Variants in SPAG16 observed in about 807,000 individuals in gnomAD.
SPAG16 encodes sperm-associated antigen 16 protein.
SPAG16 carries 86 observed loss-of-function variants against 80.4 expected under a neutral mutation model. That is an observed-to-expected ratio of 1.07 (90% CI 0.90 to 1.28). The LOEUF is 1.28. Among genes scored for constraint, SPAG16 ranks in the 50% most tolerant of loss-of-function variants. The pLI is 0.00. For missense variants in SPAG16, 870 were observed against 765.3 expected (o/e 1.14, Z -1.61); for synonymous variants, 294 against 265.9 (o/e 1.11, Z -1.03).
At chr2:213,578,582 A>G (rs1415342502) in intron 10 of SPAG16, among the ~76,000 whole-genome samples, 8 of 152,130 alleles carry the variant, frequency 5.3e-5, no homozygotes, top group African/African-American at 1.7e-4. Context: ...CTAGGACTTA[A>G]GACATGGGTT....
chr2:214,130,988 A>G (rs376045357), intron 14 of SPAG16, among the ~76,000 whole-genome samples: 4 of 152,150 alleles, frequency 2.6e-5, no homozygotes, highest in African/African-American at 4.8e-5. Flanking sequence ...CTAATTTTGC[A>G]TCGTATTTGG....
intron 10 of SPAG16, among the ~76,000 whole-genome samples, chr2:213,565,330 C>T (rs2059724698): frequency 6.6e-6 from 1 of 152,178 alleles, no homozygotes; most frequent in South Asian, 2.1e-4. Context: ...CAGAGGGAGA[C>T]ATAGTCCAGA....
At chr2:213,542,500 T>C (rs2076480279) in intron 10 of SPAG16, among the ~76,000 whole-genome samples, 1 of 152,128 alleles carries the variant, frequency 6.6e-6, no homozygotes, top group African/African-American at 2.4e-5. Flanking sequence ...ATCCTCCCAG[T>C]AAGCCATTGC....
intron 9 of SPAG16, among the ~76,000 whole-genome samples, chr2:213,461,130 A>G (rs1469144495): frequency 6.6e-6 from 1 of 152,166 alleles, no homozygotes; most frequent in Non-Finnish European, 1.5e-5. Flanking sequence ...ATTATGCTAG[A>G]GAGAGAAAAA....
chr2:214,052,375 C>A (rs17207529), intron 13 of SPAG16, among the ~76,000 whole-genome samples: 3 of 152,154 alleles, frequency 2.0e-5, no homozygotes, highest in South Asian at 4.1e-4. Flanking sequence ...CAGCTTTCAA[C>A]GTTTTCTGGT....
chr2:214,215,400 C>T (rs1344232291), intron 15 of SPAG16, among the ~76,000 whole-genome samples: 1 of 152,076 alleles, frequency 6.6e-6, no homozygotes, highest in East Asian at 1.9e-4. Flanking sequence ...CCTATCAGGC[C>T]ACCTTTGATT....
At chr2:214,088,832 G>GA (rs1161851289) in intron 13 of SPAG16, among the ~76,000 whole-genome samples, 1 of 151,866 alleles carries the variant, frequency 6.6e-6, no homozygotes, top group African/African-American at 2.4e-5. Context: ...TCCAGGATCT[G>GA]AAAAATAGAA....
At chr2:214,072,878 A>G (rs1232973660) in intron 13 of SPAG16, among the ~76,000 whole-genome samples, 5 of 152,196 alleles carry the variant, frequency 3.3e-5, no homozygotes, top group Admixed American at 2.0e-4. Flanking sequence ...TTTAGTTTCT[A>G]TAGTACTTTA....
intron 15 of SPAG16, among the ~76,000 whole-genome samples, chr2:214,184,889 A>C (rs930382118): frequency 2.0e-5 from 3 of 152,098 alleles, no homozygotes; most frequent in South Asian, 2.1e-4. Flanking sequence ...TCTTCACTAA[A>C]ATTTAAGTAG....
chr2:213,716,906 T>A (rs529542778), intron 10 of SPAG16, among the ~76,000 whole-genome samples: 77 of 152,314 alleles, frequency 5.1e-4, no homozygotes, highest in Non-Finnish European at 9.3e-4. Context: ...TCTACCACTT[T>A]CATATTCTGA....
At chr2:213,618,740 A>T (rs987485891) in intron 10 of SPAG16, among the ~76,000 whole-genome samples, 22 of 151,072 alleles carry the variant, frequency 1.5e-4, no homozygotes, top group Non-Finnish European at 2.5e-4. Context: ...CACAGAATTT[A>T]AAAAAAATTT....
intron 15 of SPAG16, among the ~76,000 whole-genome samples, chr2:214,266,519 C>T (rs1291771027): frequency 6.6e-6 from 1 of 151,638 alleles, no homozygotes; most frequent in African/African-American, 2.4e-5. Context: ...TAACATCGTA[C>T]CTATGGTGAA....
chr2:214,247,593 G>T (rs758915502), intron 15 of SPAG16, among the ~76,000 whole-genome samples: 1 of 152,138 alleles, frequency 6.6e-6, no homozygotes, highest in Non-Finnish European at 1.5e-5. Context: ...GAAGATAAAA[G>T]TTTATAGTTT....
intron 14 of SPAG16, among the ~76,000 whole-genome samples, chr2:214,117,566 T>C (rs1212173814): frequency 2.0e-5 from 3 of 152,058 alleles, no homozygotes; most frequent in Admixed American, 2.0e-4. Flanking sequence ...CCAACACTAT[T>C]GGCCACCATT....
At chr2:214,187,985 T>G (rs1344135088) in intron 15 of SPAG16, among the ~76,000 whole-genome samples, 1 of 152,136 alleles carries the variant, frequency 6.6e-6, no homozygotes, top group Admixed American at 6.6e-5. Flanking sequence ...TGACTTTAAA[T>G]GCTGACGGTT....
At chr2:214,356,165 T>C (rs1230900235) in intron 15 of SPAG16, among the ~76,000 whole-genome samples, 1 of 151,338 alleles carries the variant, frequency 6.6e-6, no homozygotes, top group Non-Finnish European at 1.5e-5. Context: ...ATTGTGCACA[T>C]GTAACCTAAA....
chr2:213,491,520 CAA>C (rs1308540301), intron 10 of SPAG16, among the ~76,000 whole-genome samples: 2 of 152,146 alleles, frequency 1.3e-5, no homozygotes, highest in Admixed American at 6.6e-5. Flanking sequence ...GGTTTAGGAC[CAA>C]ACTCTTGGGA....
intron 4 of SPAG16, among the ~76,000 whole-genome samples, chr2:213,315,682 C>A (rs1017881163): frequency 1.1e-5 from 1 of 89,090 alleles, no homozygotes; most frequent in Non-Finnish European, 2.3e-5. Context: ...ATCTGCATGA[C>A]TCTATTGAAA....
chr2:213,882,717 A>C (rs1325805980), intron 11 of SPAG16, among the ~76,000 whole-genome samples: 1 of 152,088 alleles, frequency 6.6e-6, no homozygotes, highest in Admixed American at 6.5e-5. Context: ...CTAGTGGTCT[A>C]TTCATCTAAT....
Sources: gnomAD v4.1 joint callset for allele counts (sites outside exome capture counted in the v4.1 genomes callset) on GRCh38, gnomAD v4.1.1 for gene constraint, MANE v1.5 for transcripts, NCBI Gene and HGNC (gene_info 2026-07-23, HGNC 2026-07-21) for gene names.